The following SCN9A variants were observed in gnomAD, a reference collection of about 807,000 sequenced individuals.
SCN9A encodes sodium channel protein type 9 subunit alpha.
Under a neutral mutation model 187.0 loss-of-function variants are expected in SCN9A, and 131 were observed. The ratio of observed to expected loss-of-function variants is 0.70; its 90% CI spans 0.61 to 0.81. SCN9A has a LOEUF of 0.81. Ranked by LOEUF, SCN9A falls within the 30% of genes least tolerant of loss-of-function variation. The pLI, the probability that SCN9A is intolerant of heterozygous loss-of-function variation, is 0.00. For synonymous variants in SCN9A, 809 were observed against 808.6 expected, an observed-to-expected ratio of 1.00 and a Z score of -0.01; for missense variants, 2,252 against 2,396.6, an observed-to-expected ratio of 0.94 and a Z score of 1.26.
intron 1 of SCN9A, among the ~76,000 whole-genome samples, chr2:166,317,152 T>TATGA (rs34649195): frequency 0.63 from 95,555 of 151,144 alleles, 30,766 homozygotes; most frequent in African/African-American, 0.74. Flanking sequence ...GGATTATTTT[T>TATGA]ATGTCTTTAT....
intron 17 of SCN9A, among the ~76,000 whole-genome samples, chr2:166,253,923 C>A (rs533544100): frequency 1.5e-4 from 23 of 151,864 alleles, no homozygotes; most frequent in African/African-American, 5.3e-4. Context: ...TAAAATGATT[C>A]TTATTTGCAG....
intron 26 of SCN9A, among the ~76,000 whole-genome samples, chr2:166,201,282 A>ATACATATACATATACTATACC (rs1558942287): frequency 3.2e-4 from 47 of 145,718 alleles, no homozygotes; most frequent in Admixed American, 1.6e-3. Context: ...TATACTATAC[A>ATACATATACATATACTATACC]TATACATATA....
chr2:166,371,095 C>A (rs986084875), intron 1 of SCN9A, among the ~76,000 whole-genome samples: 4 of 152,030 alleles, frequency 2.6e-5, no homozygotes, highest in African/African-American at 9.7e-5. Context: ...CGTTAGGTTT[C>A]AACAGTAATA....
In SCN9A at chr2:166,235,167, G is replaced by T. The variant is rs185833743; in HGVS notation, c.3802-1705C>A. On this transcript the variant is annotated intron_variant, in intron 20 of 26. Coordinates refer to ENST00000642356, the MANE Select transcript of SCN9A (RefSeq NM_001365536.1). ...AGGTATTCAGTTACAGCAATAAAAGGTAGACTAAGACATGTCTGTTATAAT... is the reference window on the plus strand; with the variant it reads ...AGGTATTCAGTTACAGCAATAAAAGTTAGACTAAGACATGTCTGTTATAAT... Among the ~76,000 whole-genome samples the T allele has an allele frequency of 2.2e-3, 331 of 152,132 alleles. 2 individuals carry two copies. The highest frequency in any genetic ancestry group is 7.7e-3 in the African/African-American group (318 of 41,502).
chr2:166,248,458 T>C (rs547333848), intron 18 of SCN9A, among the ~76,000 whole-genome samples: 2 of 152,168 alleles, frequency 1.3e-5, no homozygotes, highest in South Asian at 4.1e-4. Context: ...TCTACCATAC[T>C]AGTCTAAGCT....
At chr2:166,297,530 G>T (rs547737780) in intron 7 of SCN9A, among the ~76,000 whole-genome samples, 1 of 152,064 alleles carries the variant, frequency 6.6e-6, no homozygotes. Flanking sequence ...TATATTATAT[G>T]CTTCCATGTA....
In SCN9A at chr2:166,204,416, TATA is replaced by T. The variant is rs752874418; in HGVS notation, c.4444_4446del (p.Tyr1482del). The T allele has an allele frequency of 5.6e-6, 9 of 1,608,334 alleles. No homozygotes were observed. The highest frequency in any genetic ancestry group is 5.9e-6 in the Non-Finnish European group (7 of 1,177,714). The stretch of plus-strand genomic sequence containing the variant: ...TTGGACCCCAGCTTTTTCATTGCAT[TATA>T]GTATTTCTTCTGTTCTTCTGTCATA... On this transcript the variant is annotated inframe_deletion, in exon 25 of 27. Coordinates refer to ENST00000642356, the MANE Select transcript of SCN9A (RefSeq NM_001365536.1).
intron 11 of SCN9A, among the ~76,000 whole-genome samples, chr2:166,285,697 G>C (rs1697707404): frequency 6.6e-6 from 1 of 152,148 alleles, no homozygotes; most frequent in Non-Finnish European, 1.5e-5. Context: ...GGGGTTGTGT[G>C]ATGGAAAACA....
At chr2:166,370,226 A>ATCATCATCATC (rs1553507717) in intron 1 of SCN9A, among the ~76,000 whole-genome samples, 1,638 of 131,476 alleles carry the variant, frequency 0.012, 15 homozygotes, top group Middle Eastern at 0.038. Flanking sequence ...TAATAATAAT[A>ATCATCATCATC]ATAATAATAA....
intron 17 of SCN9A, among the ~76,000 whole-genome samples, chr2:166,254,676 A>G (rs184071174): frequency 6.6e-6 from 1 of 151,526 alleles, no homozygotes; most frequent in Non-Finnish European, 1.5e-5. Flanking sequence ...TTTTCCATGT[A>G]ATTTTGGAAA....
At chr2:166,277,965 T>C in intron 15 of SCN9A, 175 bp downstream of exon 15, 1 of 517,964 alleles carries the variant, frequency 1.9e-6, no homozygotes, top group Non-Finnish European at 3.3e-6. Context: ...GTAAAAATAT[T>C]CATGTGGTTT....
intron 18 of SCN9A, among the ~76,000 whole-genome samples, chr2:166,251,524 A>C (rs1215683471): frequency 6.6e-6 from 1 of 152,064 alleles, no homozygotes; most frequent in Non-Finnish European, 1.5e-5. Context: ...AAGAAGTAGT[A>C]GCATGCTTAC....
intron 23 of SCN9A, among the ~76,000 whole-genome samples, chr2:166,227,439 G>T (rs1230264333): frequency 6.6e-6 from 1 of 152,084 alleles, no homozygotes; most frequent in Non-Finnish European, 1.5e-5. Flanking sequence ...AGAAGGTAAG[G>T]TAATTTGCCC....
At chr2:166,208,036 G>C (rs1229323820) in intron 24 of SCN9A, among the ~76,000 whole-genome samples, 1 of 152,134 alleles carries the variant, frequency 6.6e-6, no homozygotes. Flanking sequence ...ATGAAGAATG[G>C]GATAAAACTA....
rs545627123 is a variant in SCN9A at position 166,204,196 on chromosome 2, T to C, written c.4533A>G (p.Leu1511=). The change falls in exon 26 of 27, where the codon CTA becomes CTG. Residue 1511 remains leucine (L), a synonymous_variant. Transcript: ENST00000642356. ...TAATATCAAAGGCTTGATTTGTCAC[T>C]AGGTCAAATATACATCCTTGGATTT... ...GNKIQGCIFD[L]VTNQAFDISI... 3 of 1,612,208 alleles carry C rather than the reference T, an allele frequency of 1.9e-6. No homozygotes were observed. The highest frequency in any genetic ancestry group is 2.2e-5 in the East Asian group (1 of 44,770).
intron 26 of SCN9A, among the ~76,000 whole-genome samples, chr2:166,201,270 CATATACTATACA>C (rs1693502761): frequency 2.1e-5 from 3 of 144,414 alleles, no homozygotes; most frequent in East Asian, 2.0e-4. Flanking sequence ...TATACATATA[CATATACTATACA>C]TATACATATA....
At chr2:166,343,380 A>G (rs1314618381) in intron 1 of SCN9A, among the ~76,000 whole-genome samples, 1 of 152,088 alleles carries the variant, frequency 6.6e-6, no homozygotes, top group Non-Finnish European at 1.5e-5. Flanking sequence ...AAAATACTAG[A>G]TTACTTTTCT....
At chr2:166,371,009 A>T (rs890481842) in intron 1 of SCN9A, among the ~76,000 whole-genome samples, 2 of 152,212 alleles carry the variant, frequency 1.3e-5, no homozygotes, top group African/African-American at 2.4e-5. Context: ...ATGATCAGTA[A>T]TAGCAGTCTC....
chr2:166,285,627 G>T (rs1489077515), intron 11 of SCN9A, among the ~76,000 whole-genome samples: 1 of 152,138 alleles, frequency 6.6e-6, no homozygotes, highest in African/African-American at 2.4e-5. Flanking sequence ...TTTTTACTGT[G>T]TATATCAGGA....
Sources: allele counts gnomAD v4.1 joint callset (sites outside exome capture counted in the v4.1 genomes callset), GRCh38; gene constraint gnomAD v4.1.1; transcripts MANE v1.5; gene names NCBI Gene and HGNC (gene_info 2026-07-23, HGNC 2026-07-21).